Variants in GALNT17 observed in about 807,000 individuals in gnomAD.
The protein encoded by GALNT17 is UDP-GalNAc:polypeptide N-acetylgalactosaminyltransferase-like 3.
In GALNT17, 29 loss-of-function variants were observed where a neutral mutation model predicts 63.7. The observed-to-expected ratio is 0.46, with a 90% CI of 0.34 to 0.62. The LOEUF is 0.62. Among genes scored for constraint, GALNT17 ranks in the 20% least tolerant of loss-of-function variants. The pLI is 0.01. For synonymous variants in GALNT17, 305 were observed against 318.3 expected, an observed-to-expected ratio of 0.96 and a Z score of 0.45; for missense variants, 603 against 799.6, an observed-to-expected ratio of 0.75 and a Z score of 2.97.
Position 71,132,656 on chromosome 7 carries a change from C to T in GALNT17, c.-147C>T. 2 of 655,344 alleles carry T rather than the reference C, an allele frequency of 3.1e-6. No individual in the cohort carries two copies. The highest frequency in any genetic ancestry group is 3.6e-4 in the Middle Eastern group (1 of 2,744). The allele number at this position is 655,344 out of a possible 1,614,324, so 40.6% of individuals were successfully genotyped here. A position where few individuals can be genotyped will look rare whatever the true frequency, so the allele number is the denominator to read the frequency against. On this transcript the variant is annotated 5_prime_UTR_variant, in exon 1 of 11. Coordinates refer to ENST00000333538, the MANE Select transcript of GALNT17 (RefSeq NM_022479.3). ...TCCGACCTCCCAGCCGTCTCCGCCG[C>T]CCGAGCATCCTTGAGGTGGGACGAG... is the stretch of plus-strand genomic sequence containing the variant.
intron 9 of GALNT17, among the ~76,000 whole-genome samples, chr7:71,677,913 A>T (rs1233266258): frequency 6.6e-6 from 1 of 152,046 alleles, no homozygotes; most frequent in Non-Finnish European, 1.5e-5. Flanking sequence ...CTCAATGTCC[A>T]GATGGATACT....
At chr7:71,384,146 T>G in intron 2 of GALNT17, among the ~76,000 whole-genome samples, 1 of 152,284 alleles carries the variant, frequency 6.6e-6, no homozygotes, top group East Asian at 1.9e-4. Context: ...TTTTGTTTTT[T>G]GTTTTAACAG....
chr7:71,691,337 C>T (rs1791440356), intron 9 of GALNT17, among the ~76,000 whole-genome samples: 1 of 152,174 alleles, frequency 6.6e-6, no homozygotes, highest in Non-Finnish European at 1.5e-5. Flanking sequence ...TTTTAAAAGG[C>T]ATGCTATTGC....
At chr7:71,517,646 G>A (rs1399625537) in intron 5 of GALNT17, among the ~76,000 whole-genome samples, 2 of 152,162 alleles carry the variant, frequency 1.3e-5, no homozygotes, top group African/African-American at 4.8e-5. Context: ...CTCCAAGAAG[G>A]ATATAGGATA....
At chr7:71,386,918 A>G (rs952368387) in intron 2 of GALNT17, among the ~76,000 whole-genome samples, 2 of 152,258 alleles carry the variant, frequency 1.3e-5, no homozygotes, top group Admixed American at 1.3e-4. Context: ...AGTATAACAT[A>G]ATACAGAGCA....
At chr7:71,471,083 GT>G (rs939969407) in intron 5 of GALNT17, among the ~76,000 whole-genome samples, 1 of 150,902 alleles carries the variant, frequency 6.6e-6, no homozygotes, top group Non-Finnish European at 1.5e-5. Flanking sequence ...TTCTGTTTTT[GT>G]TTTTTTTCTT....
chr7:71,349,261 G>C (rs1792149582), intron 2 of GALNT17, among the ~76,000 whole-genome samples: 1 of 152,208 alleles, frequency 6.6e-6, no homozygotes. Flanking sequence ...AGGCTTGTAA[G>C]AGCTGGGGTT....
Position 71,506,556 on chromosome 7 carries a change from C to A in GALNT17, c.963-64729C>A, listed in dbSNP as rs184274546. 2.7e-3 allele frequency among the ~76,000 whole-genome samples: 412 copies of A among 152,162 alleles called. 1 individual carries two copies. The highest frequency in any genetic ancestry group is 9.6e-3 in the African/African-American group (398 of 41,506). ...TGCTGGGATTACAGGCGTGAGCTAC[C>A]CTACCTGGACTTAGGAATATTAATT... On this transcript the variant is annotated intron_variant, in intron 5 of 10. Coordinates refer to ENST00000333538, the MANE Select transcript of GALNT17 (RefSeq NM_022479.3).
chr7:71,489,438 A>G (rs1054285778), intron 5 of GALNT17, among the ~76,000 whole-genome samples: 7 of 152,230 alleles, frequency 4.6e-5, no homozygotes, highest in African/African-American at 1.4e-4. Context: ...GCTATTTGCC[A>G]TGGTAAGTGA....
At chr7:71,177,344 A>C (rs1788658563) in intron 1 of GALNT17, among the ~76,000 whole-genome samples, 1 of 152,080 alleles carries the variant, frequency 6.6e-6, no homozygotes, top group Admixed American at 6.6e-5. Context: ...CGGGAACCCC[A>C]TCCCACTCTA....
chr7:71,187,339 C>T (rs895178363), intron 1 of GALNT17, among the ~76,000 whole-genome samples: 1 of 142,582 alleles, frequency 7.0e-6, no homozygotes, highest in Non-Finnish European at 1.5e-5. Context: ...CCAGGCTGGT[C>T]TCAAATTCCT....
intron 3 of GALNT17, among the ~76,000 whole-genome samples, chr7:71,414,753 A>G (rs999032873): frequency 6.6e-6 from 1 of 152,164 alleles, no homozygotes; most frequent in African/African-American, 2.4e-5. Context: ...AGCATTCAGA[A>G]TATTCTCCCT....
intron 6 of GALNT17, among the ~76,000 whole-genome samples, chr7:71,590,001 A>T (rs1789774792): frequency 1.3e-5 from 2 of 152,128 alleles, no homozygotes; most frequent in Admixed American, 6.5e-5. Context: ...TATGTTCATA[A>T]TCTTTATGTA....
intron 6 of GALNT17, among the ~76,000 whole-genome samples, chr7:71,582,575 G>A (rs564914251): frequency 3.1e-4 from 47 of 151,646 alleles, no homozygotes; most frequent in African/African-American, 7.5e-4. Context: ...GCAAGACTCC[G>A]TCTCAAAAAA....
chr7:71,509,469 A>G (rs1200286392), intron 5 of GALNT17, among the ~76,000 whole-genome samples: 2 of 152,016 alleles, frequency 1.3e-5, no homozygotes, highest in African/African-American at 2.4e-5. Flanking sequence ...CATTCTGGGT[A>G]TTTATAATTT....
chr7:71,163,198 A>T (rs1452212840), intron 1 of GALNT17, among the ~76,000 whole-genome samples: 1 of 152,380 alleles, frequency 6.6e-6, no homozygotes, highest in South Asian at 2.1e-4. Flanking sequence ...GATGCCATTC[A>T]CTGAGACAGG....
intron 1 of GALNT17, among the ~76,000 whole-genome samples, chr7:71,320,249 T>A (rs1258351838): frequency 2.0e-5 from 3 of 152,044 alleles, no homozygotes; most frequent in African/African-American, 7.2e-5. Flanking sequence ...AATTTTTTTT[T>A]AAATTGAGAT....
At chr7:71,460,488 A>C (rs557676307) in intron 5 of GALNT17, among the ~76,000 whole-genome samples, 1 of 152,316 alleles carries the variant, frequency 6.6e-6, no homozygotes, top group African/African-American at 2.4e-5. Context: ...AGTAGATCTC[A>C]CACCATATAA....
intron 8 of GALNT17, among the ~76,000 whole-genome samples, chr7:71,672,676 C>T (rs765797331): frequency 1.8e-4 from 27 of 152,244 alleles, no homozygotes; most frequent in African/African-American, 5.8e-4. Flanking sequence ...CTCAGCCTCC[C>T]GAGTAGCTGG....
Sources: allele counts gnomAD v4.1 joint callset (sites outside exome capture counted in the v4.1 genomes callset), GRCh38; gene constraint gnomAD v4.1.1; transcripts MANE v1.5; gene names NCBI Gene and HGNC (gene_info 2026-07-23, HGNC 2026-07-21).